The following PCDHGA8 variants were observed in gnomAD, a reference collection of about 807,000 sequenced individuals.
PCDHGA8 encodes the protein protocadherin gamma subfamily A, 8, also known as protocadherin gamma-A8.
In PCDHGA8, 45 loss-of-function variants were observed where a neutral mutation model predicts 59.2. The ratio of observed to expected loss-of-function variants is 0.76; its 90% CI spans 0.60 to 0.98. PCDHGA8 has a LOEUF of 0.98. PCDHGA8 is among the 50% of genes least tolerant of loss of function. PCDHGA8 has a pLI of 0.00. For missense variants in PCDHGA8, 1,257 were observed against 1,196.2 expected (o/e 1.05, Z -0.75); for synonymous variants, 531 against 519.0 (o/e 1.02, Z -0.32).
At position 141,431,747 on chromosome 5, in the gene PCDHGA8, C is replaced by T. The variant is rs371020840; in HGVS notation, c.2424+36510C>T. The T allele has an allele frequency of 5.0e-6, 8 of 1,614,064 alleles. No individual in the cohort carries two copies. In the Admixed American group the frequency reaches 5.0e-5, roughly 10 times the overall value. On this transcript the variant is annotated intron_variant, in intron 1 of 3. Transcript: ENST00000398604. This position sits in a 1 kb window ranked among gnomAD's most constrained non-coding sequence, Gnocchi z 4.8. ...AATGGATAATGCAGGATATTCTGCG[C>T]GAGCCAAAGTCCTGATCACTGTTCT...
intron 1 of PCDHGA8, among the ~76,000 whole-genome samples, chr5:141,482,412 T>C (rs2099559037): frequency 6.6e-6 from 1 of 151,636 alleles, no homozygotes; most frequent in Non-Finnish European, 1.5e-5. Context: ...TAACTATTTG[T>C]TGAACTAAAA....
chr5:141,402,770 G>A (rs1381501918), intron 1 of PCDHGA8, among the ~76,000 whole-genome samples: 1 of 152,154 alleles, frequency 6.6e-6, no homozygotes, highest in Non-Finnish European at 1.5e-5. Context: ...GACTCCATCC[G>A]GATTTCCAGT....
In PCDHGA8 at chr5:141,431,777, G is replaced by C. The variant is rs151011884; in HGVS notation, c.2424+36540G>C. 1.2e-6 allele frequency: 2 copies of C among 1,614,188 alleles called. No individual in the cohort carries two copies. The highest frequency in any genetic ancestry group is 4.5e-5 in the East Asian group (2 of 44,870). ...CAAAGTCCTGATCACTGTTCTGGAC[G>C]TGAACGACAATGCCCCAGAAGTGGT... On this transcript the variant is annotated intron_variant, in intron 1 of 3. Coordinates refer to ENST00000398604, the MANE Select transcript of PCDHGA8 (RefSeq NM_032088.2). The surrounding 1 kb of genome is among the most constrained non-coding windows in gnomAD (Gnocchi z 4.8).
intron 1 of PCDHGA8, chr5:141,413,140 A>G: frequency 1.3e-6 from 2 of 1,563,150 alleles, no homozygotes; most frequent in Non-Finnish European, 1.7e-6. Context: ...CAACGTGTCC[A>G]GTGAGGACTT....
intron 1 of PCDHGA8, chr5:141,429,265 T>C (rs1297239650): frequency 6.6e-6 from 1 of 152,148 alleles, no homozygotes; most frequent in Non-Finnish European, 1.5e-5. Flanking sequence ...GAGGAATAAA[T>C]TTTTTTCCTG....
chr5:141,478,221 C>A, intron 1 of PCDHGA8: 1 of 1,614,122 alleles, frequency 6.2e-7, no homozygotes, highest in Non-Finnish European at 8.5e-7. Context: ...ATCCTGGTTT[C>A]TGTGGGGTTT....
intron 1 of PCDHGA8, among the ~76,000 whole-genome samples, chr5:141,492,206 G>T (rs1180294159): frequency 6.6e-6 from 1 of 152,204 alleles, no homozygotes; most frequent in African/African-American, 2.4e-5. Context: ...TTAGGTGTGC[G>T]CGCGGGGCTC....
At chr5:141,423,975 A>G in intron 1 of PCDHGA8, 2 of 1,126,024 alleles carry the variant, frequency 1.8e-6, no homozygotes, top group Non-Finnish European at 2.2e-6. Flanking sequence ...TTATCAGTGT[A>G]TGAGGCTCTC....
intron 1 of PCDHGA8, chr5:141,468,667 CCATCCTGGCTAA>C (rs2099172391): frequency 6.7e-6 from 1 of 149,836 alleles, no homozygotes; most frequent in African/African-American, 2.5e-5. Flanking sequence ...GAGATCAAGA[CCATCCTGGCTAA>C]CACGGTGAAA....
rs1345498022 is a variant in PCDHGA8 at position 141,493,312 on chromosome 5, A to G, written c.2425-1495A>G. On this transcript the variant is annotated intron_variant, in intron 1 of 3. Coordinates refer to ENST00000398604, the MANE Select transcript of PCDHGA8 (RefSeq NM_032088.2). This position sits in a 1 kb window ranked among gnomAD's most constrained non-coding sequence, Gnocchi z 4.3. ...CTCAAGTTCACAGAGCAAGTAAGAG[A>G]GATTCTAACCCCTGTCTAACTCCAG... 6.6e-6 allele frequency among the ~76,000 whole-genome samples: 1 copy of G among 152,174 alleles called. No individual in the cohort carries two copies. Among genetic ancestry groups the G allele is most frequent in the Non-Finnish European group, 1.5e-5 (1 of 68,028 alleles).
At chr5:141,399,818 G>A in intron 1 of PCDHGA8, 1 of 1,613,204 alleles carries the variant, frequency 6.2e-7, no homozygotes, top group Non-Finnish European at 8.5e-7. Context: ...CCCGCGCTGG[G>A]TCCCGACGGC....
intron 1 of PCDHGA8, chr5:141,478,687 A>G: frequency 6.4e-7 from 1 of 1,551,218 alleles, no homozygotes; most frequent in Middle Eastern, 1.7e-4. Context: ...CCCTTCCTAG[A>G]TCAAAGTTAG....
At chr5:141,500,488 C>T (rs569168291) in intron 2 of PCDHGA8, among the ~76,000 whole-genome samples, 4 of 152,178 alleles carry the variant, frequency 2.6e-5, no homozygotes, top group South Asian at 2.1e-4. Flanking sequence ...GGATTACAGG[C>T]GTGAGCCACC....
At position 141,394,278 on chromosome 5, in the gene PCDHGA8, T is replaced by C; in HGVS notation, c.1465T>C (p.Tyr489His). The change falls in exon 1 of 4, where the codon TAC (tyrosine) becomes CAC (histidine). Residue 489 changes from tyrosine (Y) to histidine (H), a missense_variant. Tyr to His is a moderately conservative substitution (Grantham distance 83, BLOSUM62 2). Transcript: ENST00000398604. ...PDSQENAQVT[Y>H]SVTEDTLQGA... ...CAGCCAGGAGAATGCCCAGGTCACT[T>C]ACTCTGTGACCGAGGACACGCTGCA... 1 of 1,613,924 alleles carries C rather than the reference T, an allele frequency of 6.2e-7. No homozygotes were observed. Among genetic ancestry groups the C allele is most frequent in the Non-Finnish European group, 8.5e-7 (1 of 1,179,852 alleles).
At chr5:141,415,540 T>C (rs1202920204) in intron 1 of PCDHGA8, 9 of 1,614,184 alleles carry the variant, frequency 5.6e-6, no homozygotes, top group Non-Finnish European at 7.6e-6. Context: ...CCAGGAGAGC[T>C]GTGAGAAAAA....
intron 1 of PCDHGA8, among the ~76,000 whole-genome samples, chr5:141,461,376 T>C (rs2099014225): frequency 6.6e-6 from 1 of 152,184 alleles, no homozygotes; most frequent in South Asian, 2.1e-4. Context: ...AATTTGCATT[T>C]TCCTGATGAT....
rs2099706000 is a variant in PCDHGA8 at position 141,490,911 on chromosome 5, G to A, written c.2425-3896G>A. 1 of 1,613,722 alleles carries A rather than the reference G, an allele frequency of 6.2e-7. No individual in the cohort carries two copies. Among genetic ancestry groups the A allele is most frequent in the Non-Finnish European group, 8.5e-7 (1 of 1,179,746 alleles). Reference sequence around the variant, plus strand: ...CTCTGCATGTGTTTGTCCTAGACGAGAATGATAATGCCCCAGCTGTGCTGC... The same window carrying A: ...CTCTGCATGTGTTTGTCCTAGACGAAAATGATAATGCCCCAGCTGTGCTGC... On this transcript the variant is annotated intron_variant, in intron 1 of 3. Coordinates refer to ENST00000398604, the MANE Select transcript of PCDHGA8 (RefSeq NM_032088.2). This position sits in a 1 kb window ranked among gnomAD's most constrained non-coding sequence, Gnocchi z 5.4.
chr5:141,427,268 A>G (rs1433017911), intron 1 of PCDHGA8: 7 of 456,648 alleles, frequency 1.5e-5, no homozygotes, highest in Non-Finnish European at 3.1e-5. Flanking sequence ...TGACCAGCGA[A>G]TGTAAAATTA....
At chr5:141,407,974 G>A (rs1229330658) in intron 1 of PCDHGA8, 3 of 728,612 alleles carry the variant, frequency 4.1e-6, no homozygotes, top group African/African-American at 1.8e-5. Context: ...CGCTGACGCC[G>A]GGGATCCGTC....
Sources: allele counts gnomAD v4.1 joint callset (sites outside exome capture counted in the v4.1 genomes callset), GRCh38; gene constraint gnomAD v4.1.1; non-coding constraint Gnocchi (gnomAD v3.1); transcripts MANE v1.5; gene names NCBI Gene and HGNC (gene_info 2026-07-23, HGNC 2026-07-21).